The following ARSJ variants were observed in gnomAD, a reference collection of about 807,000 sequenced individuals.
The protein encoded by ARSJ is arylsulfatase family member J.
A neutral mutation model predicts 35.9 loss-of-function variants in ARSJ; 26 were observed. That is an observed-to-expected ratio of 0.72 (90% confidence interval 0.53 to 1.00). The LOEUF (loss-of-function observed/expected upper bound fraction) is 1.00. Ranked by LOEUF, ARSJ falls within the 50% of genes least tolerant of loss-of-function variation. The pLI, the probability that ARSJ is intolerant of heterozygous loss-of-function variation, is 0.00. For synonymous variants in ARSJ, 294 were observed against 267.6 expected (o/e 1.10, Z -0.96); for missense variants, 667 against 723.6 (o/e 0.92, Z 0.90).
intron 1 of ARSJ, among the ~76,000 whole-genome samples, chr4:113,958,259 T>A (rs1406390358): frequency 6.6e-6 from 1 of 151,942 alleles, no homozygotes; most frequent in Non-Finnish European, 1.5e-5. Flanking sequence ...AAAAAGGAGA[T>A]GAAAAAATCA....
In ARSJ at chr4:113,978,437, T is replaced by G. The variant is rs1172303854; in HGVS notation, c.398A>C (p.Lys133Thr). The G allele has an allele frequency of 8.8e-6, 14 of 1,582,414 alleles. 1 individual carries two copies. The South Asian group carries it at 1.6e-4, about 18-fold the overall frequency. ...TPSRSQFITGKYQIHTGLQHS... is the reference protein window; with the variant it reads ...TPSRSQFITGTYQIHTGLQHS... ...AAATATAAGAAGTAGGAACACTTACTTTCCAGTAATAAACTGACTCCTGGA... is the reference window on the plus strand; with the variant it reads ...AAATATAAGAAGTAGGAACACTTACGTTCCAGTAATAAACTGACTCCTGGA... Residue 133 changes from lysine (K) to threonine (T), a missense_variant and splice_region_variant, in exon 1 of 2, where the codon AAG becomes ACG. Transcript: ENST00000315366.
chr4:113,950,477 A>G (rs11732514), intron 1 of ARSJ, among the ~76,000 whole-genome samples: 1 of 151,704 alleles, frequency 6.6e-6, no homozygotes, highest in Non-Finnish European at 1.5e-5. Context: ...GAAGCATGGG[A>G]AAGGGACATT....
chr4:113,918,183 C>G (rs1723438970), intron 1 of ARSJ, among the ~76,000 whole-genome samples: 4 of 152,122 alleles, frequency 2.6e-5, no homozygotes. Flanking sequence ...CTTCCTTTTC[C>G]AGCTACATAT....
chr4:113,919,728 C>A (rs893524760), intron 1 of ARSJ, among the ~76,000 whole-genome samples: 1 of 152,106 alleles, frequency 6.6e-6, no homozygotes, highest in Non-Finnish European at 1.5e-5. Flanking sequence ...TGCAACATAA[C>A]CCCATGTTTT....
chr4:113,956,819 C>T (rs924417710), intron 1 of ARSJ, among the ~76,000 whole-genome samples: 1 of 151,984 alleles, frequency 6.6e-6, no homozygotes, highest in African/African-American at 2.4e-5. Context: ...GTCTGAAAGA[C>T]TGCAGGGGCC....
chr4:113,927,543 C>G (rs1414857601), intron 1 of ARSJ, among the ~76,000 whole-genome samples: 1 of 152,194 alleles, frequency 6.6e-6, no homozygotes, highest in Non-Finnish European at 1.5e-5. Context: ...AATTGCTGGC[C>G]TTGCCAGCTG....
intron 1 of ARSJ, among the ~76,000 whole-genome samples, chr4:113,945,996 C>T (rs1418912771): frequency 9.2e-6 from 1 of 108,382 alleles, no homozygotes; most frequent in East Asian, 3.0e-4. Flanking sequence ...TACTTTTCTT[C>T]TTCTCTTTAA....
intron 1 of ARSJ, among the ~76,000 whole-genome samples, chr4:113,935,572 G>T (rs1724717188): frequency 6.6e-6 from 1 of 151,850 alleles, no homozygotes; most frequent in South Asian, 2.1e-4. Flanking sequence ...GTAAAGAGTA[G>T]TATCTGAGTC....
chr4:113,908,424 A>G (rs907524486), intron 1 of ARSJ, among the ~76,000 whole-genome samples: 1 of 152,368 alleles, frequency 6.6e-6, no homozygotes, highest in African/African-American at 2.4e-5. Flanking sequence ...AACAAGATGT[A>G]AGAAAATCTA....
intron 1 of ARSJ, among the ~76,000 whole-genome samples, chr4:113,927,433 G>A (rs1044005373): frequency 6.6e-6 from 1 of 152,200 alleles, no homozygotes; most frequent in Non-Finnish European, 1.5e-5. Flanking sequence ...GGACCAGTGT[G>A]ATATCTTGCA....
Position 113,902,945 on chromosome 4 carries a change from T to C in ARSJ, c.1129A>G (p.Ile377Val). 2 of 1,614,218 alleles carry C rather than the reference T, an allele frequency of 1.2e-6. No individual in the cohort carries two copies. The highest frequency in any genetic ancestry group is 2.2e-5 in the East Asian group (1 of 44,882). The change falls in exon 2 of 2, where the codon ATC becomes GTC. Residue 377 changes from isoleucine (I) to valine (V), a missense_variant. Transcript: ENST00000315366. ...ATGAGAGTGGGGTACCAGTCAGTGA[T>C]GTGCACAAGTTCCTTACACACTGTT... ...KGTVCKELVH[I>V]TDWYPTLISL...
intron 1 of ARSJ, among the ~76,000 whole-genome samples, chr4:113,956,287 T>C (rs770637360): frequency 1.3e-5 from 2 of 152,076 alleles, no homozygotes; most frequent in African/African-American, 2.4e-5. Flanking sequence ...CACCTCTCCT[T>C]ATAGGGAATA....
intron 1 of ARSJ, among the ~76,000 whole-genome samples, chr4:113,905,047 G>C (rs2099668306): frequency 6.6e-6 from 1 of 152,134 alleles, no homozygotes; most frequent in Non-Finnish European, 1.5e-5. Flanking sequence ...TTAATTTCTT[G>C]CATTTTTCTC....
intron 1 of ARSJ, among the ~76,000 whole-genome samples, chr4:113,931,660 C>T (rs954598448): frequency 2.0e-5 from 3 of 151,984 alleles, no homozygotes; most frequent in South Asian, 2.1e-4. Flanking sequence ...GCAAGCCTTA[C>T]GTGCAGGCAG....
chr4:113,942,782 G>A (rs1421321530), intron 1 of ARSJ, among the ~76,000 whole-genome samples: 3 of 152,008 alleles, frequency 2.0e-5, no homozygotes, highest in South Asian at 4.2e-4. Flanking sequence ...AATTTACCAC[G>A]TTTCTTTTAA....
chr4:113,915,353 T>C (rs1412410716), intron 1 of ARSJ, among the ~76,000 whole-genome samples: 1 of 152,142 alleles, frequency 6.6e-6, no homozygotes, highest in Non-Finnish European at 1.5e-5. Flanking sequence ...GATCAAGATA[T>C]GGAATTAACA....
At chr4:113,935,828 T>C (rs1187236802) in intron 1 of ARSJ, among the ~76,000 whole-genome samples, 1 of 151,936 alleles carries the variant, frequency 6.6e-6, no homozygotes, top group Non-Finnish European at 1.5e-5. Flanking sequence ...CAGTAAAATA[T>C]GAAATGAAGA....
At chr4:113,944,371 C>T (rs924323744) in intron 1 of ARSJ, 1 of 152,006 alleles carries the variant, frequency 6.6e-6, no homozygotes, top group Non-Finnish European at 1.5e-5. Context: ...GAGACCACTA[C>T]ATTAATCTCA....
intron 1 of ARSJ, among the ~76,000 whole-genome samples, chr4:113,950,757 T>C (rs1330530538): frequency 6.6e-6 from 1 of 152,084 alleles, no homozygotes; most frequent in African/African-American, 2.4e-5. Flanking sequence ...TTTATAGCTA[T>C]TAAGTCTTGC....
Sources: gnomAD v4.1 joint callset for allele counts (sites outside exome capture counted in the v4.1 genomes callset) on GRCh38, gnomAD v4.1.1 for gene constraint, MANE v1.5 for transcripts, NCBI Gene and HGNC (gene_info 2026-07-23, HGNC 2026-07-21) for gene names.